The following ST18 variants were observed in gnomAD, a reference collection of about 807,000 sequenced individuals.
The protein encoded by ST18 is ST18 C2H2C-type zinc finger transcription factor.
ST18 carries 50 observed loss-of-function variants against 110.0 expected under a neutral mutation model. The ratio of observed to expected loss-of-function variants is 0.45; its 90% CI spans 0.36 to 0.58. ST18 has a LOEUF of 0.58. ST18 is among the 20% of genes least tolerant of loss of function. The pLI, the probability that ST18 is intolerant of heterozygous loss-of-function variation, is 0.00. For missense variants in ST18, 1,306 were observed against 1,280.1 expected, an observed-to-expected ratio of 1.02 and a Z score of -0.31; for synonymous variants, 461 against 452.4, an observed-to-expected ratio of 1.02 and a Z score of -0.24.
At chr8:52,167,554 C>T (rs2063424540) in intron 10 of ST18, among the ~76,000 whole-genome samples, 1 of 152,222 alleles carries the variant, frequency 6.6e-6, no homozygotes, top group South Asian at 2.1e-4. Context: ...CTGTCCAGTG[C>T]TAGTGATTCA....
chr8:52,354,519 A>G (rs1821814804), intron 2 of ST18, among the ~76,000 whole-genome samples: 1 of 152,226 alleles, frequency 6.6e-6, no homozygotes, highest in African/African-American at 2.4e-5. Context: ...CAAGACATCC[A>G]AGTAAAAAGC....
chr8:52,127,106 C>T (rs1193899887), intron 22 of ST18, among the ~76,000 whole-genome samples: 2 of 152,112 alleles, frequency 1.3e-5, no homozygotes, highest in African/African-American at 4.8e-5. Flanking sequence ...GAAATCATTT[C>T]ACTCTGAAGC....
At chr8:52,154,035 A>G (rs1563727688) in intron 15 of ST18, among the ~76,000 whole-genome samples, 1 of 152,212 alleles carries the variant, frequency 6.6e-6, no homozygotes, top group Non-Finnish European at 1.5e-5. Context: ...GTTTTTGAAT[A>G]CGAAAAGAGA....
At chr8:52,374,559 T>A (rs1831468388) in intron 2 of ST18, among the ~76,000 whole-genome samples, 1 of 152,180 alleles carries the variant, frequency 6.6e-6, no homozygotes, top group African/African-American at 2.4e-5. Flanking sequence ...CCAGGGTACA[T>A]GTGCAGGATG....
intron 2 of ST18, among the ~76,000 whole-genome samples, chr8:52,267,016 G>T (rs1318924052): frequency 1.3e-5 from 2 of 152,170 alleles, no homozygotes; most frequent in Non-Finnish European, 2.9e-5. Context: ...GCAGCAAAGG[G>T]CTGGGGTGGC....
intron 2 of ST18, among the ~76,000 whole-genome samples, chr8:52,324,629 C>A (rs756782710): frequency 2.0e-5 from 3 of 152,192 alleles, no homozygotes; most frequent in Non-Finnish European, 4.4e-5. Flanking sequence ...TGCCGGGTAG[C>A]ATACTATGTG....
chr8:52,192,189 A>G (rs955585595), intron 8 of ST18, among the ~76,000 whole-genome samples: 2 of 152,184 alleles, frequency 1.3e-5, no homozygotes, highest in African/African-American at 4.8e-5. Flanking sequence ...TCTGCCTCCA[A>G]AAGAAATCAA....
Position 52,365,608 on chromosome 8 carries a change from T to C in ST18, c.-465+43720A>G, listed in dbSNP as rs1384610287. On this transcript the variant is annotated intron_variant, in intron 2 of 25. Transcript: ENST00000689386. ...TAAAAAAAAAAACTTACGTTATTTA[T>C]GTCCATGAGTATACTATAACACATC... 2.6e-5 allele frequency among the ~76,000 whole-genome samples: 4 copies of C among 152,062 alleles called. 1 individual carries two copies. Among genetic ancestry groups the C allele is most frequent in the Non-Finnish European group, 5.9e-5 (4 of 68,022 alleles).
intron 15 of ST18, among the ~76,000 whole-genome samples, chr8:52,152,805 G>C (rs534722788): frequency 1.3e-5 from 2 of 152,222 alleles, no homozygotes; most frequent in South Asian, 4.1e-4. Context: ...AAAATAAGAA[G>C]TGACCTAGAT....
At chr8:52,323,078 A>T (rs919001530) in intron 2 of ST18, among the ~76,000 whole-genome samples, 1 of 152,202 alleles carries the variant, frequency 6.6e-6, no homozygotes, top group Non-Finnish European at 1.5e-5. Context: ...CTGGGCCAAG[A>T]AATCAGGATT....
chr8:52,247,276 A>G (rs983765451), intron 2 of ST18, among the ~76,000 whole-genome samples: 8 of 152,204 alleles, frequency 5.3e-5, no homozygotes, highest in Non-Finnish European at 1.5e-5. Flanking sequence ...AAAGCCATGC[A>G]TATTTTCTTT....
At chr8:52,369,492 G>A (rs1400632548) in intron 2 of ST18, among the ~76,000 whole-genome samples, 1 of 152,198 alleles carries the variant, frequency 6.6e-6, no homozygotes, top group Non-Finnish European at 1.5e-5. Flanking sequence ...GATTCAAGAA[G>A]CCCAGATTCT....
chr8:52,148,545 C>T (rs961140737), intron 16 of ST18, among the ~76,000 whole-genome samples: 2 of 152,172 alleles, frequency 1.3e-5, no homozygotes, highest in Non-Finnish European at 2.9e-5. Context: ...TGAGCACATG[C>T]ATGACTGTGG....
At chr8:52,366,770 C>CTTAT (rs1475290465) in intron 2 of ST18, among the ~76,000 whole-genome samples, 1 of 152,092 alleles carries the variant, frequency 6.6e-6, no homozygotes, top group Non-Finnish European at 1.5e-5. Context: ...ATTGTTTGTA[C>CTTAT]TTATTTGTTA....
chr8:52,167,882 T>G (rs1175330134), intron 10 of ST18, among the ~76,000 whole-genome samples: 1 of 151,950 alleles, frequency 6.6e-6, no homozygotes, highest in East Asian at 1.9e-4. Context: ...CAGACAAGCT[T>G]GGGGTTTGAT....
At chr8:52,273,158 A>C (rs714048) in intron 2 of ST18, among the ~76,000 whole-genome samples, 7,628 of 152,314 alleles carry the variant, frequency 0.05, 308 homozygotes, top group South Asian at 0.17. Context: ...TACTAACATC[A>C]CATCCATATC....
chr8:52,340,280 C>T (rs1348618468), intron 2 of ST18, among the ~76,000 whole-genome samples: 5 of 152,224 alleles, frequency 3.3e-5, no homozygotes, highest in Admixed American at 2.0e-4. Flanking sequence ...GAACTATTCC[C>T]ATCAATACCA....
At chr8:52,221,232 A>G (rs1004044642) in intron 4 of ST18, among the ~76,000 whole-genome samples, 1 of 152,170 alleles carries the variant, frequency 6.6e-6, no homozygotes, top group East Asian at 1.9e-4. Flanking sequence ...AACCACCAAA[A>G]TAAAAAGTTG....
chr8:52,148,412 G>A (rs1475538610), intron 16 of ST18, among the ~76,000 whole-genome samples: 1 of 152,190 alleles, frequency 6.6e-6, no homozygotes, highest in Non-Finnish European at 1.5e-5. Context: ...CTCAGATGCT[G>A]AGGATGTCTC....
Sources: allele counts gnomAD v4.1 joint callset (sites outside exome capture counted in the v4.1 genomes callset), GRCh38; gene constraint gnomAD v4.1.1; transcripts MANE v1.5; gene names NCBI Gene and HGNC (gene_info 2026-07-23, HGNC 2026-07-21).